Variants in IL1RAPL2 observed in about 807,000 individuals in gnomAD.
The protein encoded by IL1RAPL2 is X-linked interleukin-1 receptor accessory protein-like 2.
A neutral mutation model predicts 44.1 loss-of-function variants in IL1RAPL2; 3 were observed. That is an observed-to-expected ratio of 0.07 (90% CI 0.03 to 0.18). The LOEUF (loss-of-function observed/expected upper bound fraction) is 0.18, where lower values mean the gene tolerates loss of function less well. Among genes scored for constraint, IL1RAPL2 ranks in the 10% least tolerant of loss-of-function variants. The pLI, the probability that IL1RAPL2 is intolerant of heterozygous loss-of-function variation, is 1.00. For missense variants in IL1RAPL2, 391 were observed against 496.4 expected, an observed-to-expected ratio of 0.79 and a Z score of 2.02; for synonymous variants, 181 against 178.8, an observed-to-expected ratio of 1.01 and a Z score of -0.10.
intron 2 of IL1RAPL2, among the ~76,000 whole-genome samples, chrX:104,947,566 T>G (rs1485712650): frequency 1.9e-5 from 2 of 104,549 alleles, no homozygotes; most frequent in Non-Finnish European, 3.9e-5. Flanking sequence ...CATTTAAGTC[T>G]TTAATCCATC....
At chrX:105,049,931 T>G (rs952382730) in intron 2 of IL1RAPL2, among the ~76,000 whole-genome samples, 2 of 111,761 alleles carry the variant, frequency 1.8e-5, no homozygotes, top group African/African-American at 6.5e-5. Flanking sequence ...AATAGTAAAC[T>G]AAATATCTGT....
chrX:104,688,899 T>A (rs897278707), intron 2 of IL1RAPL2, among the ~76,000 whole-genome samples: 4 of 112,208 alleles, frequency 3.6e-5, no homozygotes, highest in African/African-American at 1.3e-4. Flanking sequence ...AAAGTTCTAG[T>A]TCAGAGCAAA....
At chrX:105,754,913 T>C (rs2038624550) in intron 9 of IL1RAPL2, among the ~76,000 whole-genome samples, 1 of 112,571 alleles carries the variant, frequency 8.9e-6, no homozygotes, top group Non-Finnish European at 1.9e-5. Flanking sequence ...CATTGAGTAT[T>C]ACAAATGCAT....
At chrX:105,660,630 G>A (rs773271277) in intron 6 of IL1RAPL2, among the ~76,000 whole-genome samples, 39 of 111,451 alleles carry the variant, frequency 3.5e-4, no homozygotes, top group Non-Finnish European at 5.9e-4. Flanking sequence ...AAGAAGCAGA[G>A]GGACACAGTT....
intron 2 of IL1RAPL2, among the ~76,000 whole-genome samples, chrX:104,740,830 A>G (rs1932090531): frequency 1.8e-5 from 2 of 111,585 alleles, no homozygotes; most frequent in Admixed American, 1.9e-4. Flanking sequence ...GAATCTCAGT[A>G]AGGGTTTTCT....
chrX:105,735,249 T>A (rs1322780704), intron 7 of IL1RAPL2, among the ~76,000 whole-genome samples: 2 of 111,455 alleles, frequency 1.8e-5, no homozygotes, highest in Admixed American at 1.9e-4. Flanking sequence ...ACTGCTACTA[T>A]AACTTGCCTT....
chrX:105,189,281 G>A (rs138648191), intron 2 of IL1RAPL2, among the ~76,000 whole-genome samples: 1,933 of 111,999 alleles, frequency 0.017, 44 homozygotes, highest in African/African-American at 0.058. Context: ...GCAGTGGCAC[G>A]ACCTCTGCTG....
intron 2 of IL1RAPL2, among the ~76,000 whole-genome samples, chrX:105,065,474 A>G (rs1283615485): frequency 8.9e-6 from 1 of 112,117 alleles, no homozygotes; most frequent in Non-Finnish European, 1.9e-5. Context: ...GATCCCAGAC[A>G]GAATAAAAAG....
At position 105,363,316 on chromosome X, in the gene IL1RAPL2, T is replaced by TATATATATATA. The variant is rs1366352092; in HGVS notation, c.697+95776_697+95786dup. On this transcript the variant is annotated intron_variant, in intron 5 of 10. Transcript: ENST00000372582. ...TATATATATATATATATAATATATA[T>TATATATATATA]ATATATATATATATTCTTCATTCAT... Among the ~76,000 whole-genome samples, 16 of 89,223 alleles carry TATATATATATA rather than the reference T, an allele frequency of 1.8e-4. No individual in the cohort carries two copies. The East Asian group carries it at 3.5e-3, about 20-fold the overall frequency. 77.5% of individuals were successfully genotyped at this position (89,223 alleles called of 115,157 possible).
chrX:105,255,117 C>G (rs2034303789), intron 4 of IL1RAPL2, among the ~76,000 whole-genome samples: 2 of 111,620 alleles, frequency 1.8e-5, no homozygotes, highest in Admixed American at 1.9e-4. Flanking sequence ...AGCATTGAAT[C>G]TATAAATTGC....
chrX:104,852,968 G>A (rs1464897393), intron 2 of IL1RAPL2, among the ~76,000 whole-genome samples: 6 of 111,597 alleles, frequency 5.4e-5, no homozygotes, highest in African/African-American at 2.0e-4. Flanking sequence ...CAGAAAAAGG[G>A]GTATGAGCAG....
chrX:105,347,514 G>A (rs142965857), intron 5 of IL1RAPL2, among the ~76,000 whole-genome samples: 1,752 of 108,976 alleles, frequency 0.016, 38 homozygotes, highest in African/African-American at 0.056. Context: ...TTTTGTTGGA[G>A]TATTGTAATT....
chrX:105,184,808 A>G (rs960425855), intron 2 of IL1RAPL2, among the ~76,000 whole-genome samples: 1 of 111,877 alleles, frequency 8.9e-6, no homozygotes, highest in Admixed American at 9.5e-5. Context: ...TGAATTTAAT[A>G]TAAAGATGAA....
At chrX:105,040,045 G>A (rs752769844) in intron 2 of IL1RAPL2, among the ~76,000 whole-genome samples, 21 of 110,604 alleles carry the variant, frequency 1.9e-4, no homozygotes, top group Non-Finnish European at 3.8e-4. Flanking sequence ...ATTATTTTGA[G>A]ATATGTCCCA....
intron 1 of IL1RAPL2, among the ~76,000 whole-genome samples, chrX:104,658,396 A>G (rs749568963): frequency 8.9e-6 from 1 of 112,155 alleles, no homozygotes; most frequent in East Asian, 2.8e-4. Context: ...GTTCTCACTC[A>G]TAGTTGGGAA....
intron 2 of IL1RAPL2, among the ~76,000 whole-genome samples, chrX:104,880,070 T>A (rs1355575233): frequency 1.8e-4 from 15 of 84,663 alleles, no homozygotes; most frequent in Non-Finnish European, 2.1e-4. Flanking sequence ...TAAATCTGTT[T>A]TGCAATTTTT....
At chrX:104,781,579 C>T (rs776782269) in intron 2 of IL1RAPL2, among the ~76,000 whole-genome samples, 16 of 111,980 alleles carry the variant, frequency 1.4e-4, no homozygotes, top group African/African-American at 4.5e-4. Flanking sequence ...TAGGAATGCC[C>T]CTCATCTGCA....
intron 5 of IL1RAPL2, among the ~76,000 whole-genome samples, chrX:105,326,229 T>A (rs974445434): frequency 2.7e-5 from 3 of 109,941 alleles, no homozygotes; most frequent in African/African-American, 1.0e-4. Context: ...TTTTTAAAAT[T>A]TTTTTTTGAT....
intron 7 of IL1RAPL2, among the ~76,000 whole-genome samples, chrX:105,717,860 T>C (rs906217318): frequency 8.9e-6 from 1 of 112,302 alleles, no homozygotes; most frequent in African/African-American, 3.2e-5. Flanking sequence ...CCTTCATATG[T>C]CATAAGTGTA....
Sources: gnomAD v4.1 joint callset for allele counts (sites outside exome capture counted in the v4.1 genomes callset) on GRCh38, gnomAD v4.1.1 for gene constraint, MANE v1.5 for transcripts, NCBI Gene and HGNC (gene_info 2026-07-23, HGNC 2026-07-21) for gene names.